RBFOX3: variants seen among roughly 807,000 people sequenced by gnomAD.
RBFOX3 encodes RNA binding fox-1 homolog 3.
RBFOX3 carries 17 observed loss-of-function variants against 48.7 expected under a neutral mutation model. That is an observed-to-expected ratio of 0.35 (90% CI 0.24 to 0.52). The LOEUF (loss-of-function observed/expected upper bound fraction) is 0.52, where lower values mean the gene tolerates loss of function less well. RBFOX3 is among the 20% of genes least tolerant of loss of function. RBFOX3 has a pLI of 0.94. For synonymous variants in RBFOX3, 212 were observed against 209.5 expected (o/e 1.01, Z -0.10); for missense variants, 382 against 497.5 (o/e 0.77, Z 2.21).
At chr17:79,457,323 C>T (rs2149222149) in intron 2 of RBFOX3, among the ~76,000 whole-genome samples, 1 of 152,310 alleles carries the variant, frequency 6.6e-6, no homozygotes, top group Non-Finnish European at 1.5e-5. Flanking sequence ...TAGCTCTCAC[C>T]ATGTGGTGTG....
chr17:79,559,080 C>T (rs972862660), intron 1 of RBFOX3, among the ~76,000 whole-genome samples: 2 of 152,142 alleles, frequency 1.3e-5, no homozygotes, highest in East Asian at 1.9e-4. Context: ...CAGTCTTACA[C>T]GGGCAGCAGC....
intron 2 of RBFOX3, among the ~76,000 whole-genome samples, chr17:79,461,546 TC>T (rs2075367660): frequency 1.3e-5 from 2 of 152,210 alleles, no homozygotes; most frequent in South Asian, 4.1e-4. Flanking sequence ...TTGTGAAGTG[TC>T]CCCAGCCCTG....
intron 4 of RBFOX3, among the ~76,000 whole-genome samples, chr17:79,229,101 C>T (rs953808996): frequency 5.9e-5 from 9 of 151,346 alleles, no homozygotes; most frequent in African/African-American, 1.5e-4. Context: ...TGGTGGCATA[C>T]GCCTGTAATC....
chr17:79,306,144 C>T (rs531844150), intron 3 of RBFOX3, among the ~76,000 whole-genome samples: 31 of 152,368 alleles, frequency 2.0e-4, no homozygotes, highest in African/African-American at 6.5e-4. Context: ...CTGCAGGCGG[C>T]GGCTGCTGCA....
intron 1 of RBFOX3, among the ~76,000 whole-genome samples, chr17:79,509,686 G>A (rs369935922): frequency 0.015 from 2,282 of 151,518 alleles, 58 homozygotes; most frequent in African/African-American, 0.053. Context: ...CTTTCCCTCC[G>A]TCATCCATCA....
intron 2 of RBFOX3, among the ~76,000 whole-genome samples, chr17:79,380,095 G>A (rs2059706376): frequency 6.6e-6 from 1 of 151,524 alleles, no homozygotes; most frequent in Non-Finnish European, 1.5e-5. Flanking sequence ...CCTAGTCCAT[G>A]ACCGCATGGC....
intron 4 of RBFOX3, among the ~76,000 whole-genome samples, chr17:79,211,507 T>A (rs78264371): frequency 0.016 from 2,430 of 152,352 alleles, 44 homozygotes; most frequent in South Asian, 0.051. Flanking sequence ...CTGCTGGGAC[T>A]GGCTCCAGGT....
chr17:79,156,359 A>C (rs1004354327), intron 4 of RBFOX3, among the ~76,000 whole-genome samples: 1 of 152,038 alleles, frequency 6.6e-6, no homozygotes, highest in Non-Finnish European at 1.5e-5. Flanking sequence ...CGGGGCCTAC[A>C]CCAGAGGAAG....
chr17:79,422,067 T>C (rs1555722720), intron 2 of RBFOX3, among the ~76,000 whole-genome samples: 4 of 151,502 alleles, frequency 2.6e-5, no homozygotes, highest in African/African-American at 7.3e-5. Context: ...GAGAAGAGCA[T>C]TGAAGGGGCT....
At chr17:79,620,217 A>G in the RBFOX3 span, among the ~76,000 whole-genome samples, 78 of 147,274 alleles carry the variant, frequency 5.3e-4, no homozygotes, top group African/African-American at 1.7e-3. Context: ...ATGCACACAC[A>G]GGGACATGCA....
intron 2 of RBFOX3, among the ~76,000 whole-genome samples, chr17:79,408,317 G>C (rs1009917979): frequency 1.3e-5 from 2 of 152,184 alleles, no homozygotes; most frequent in African/African-American, 4.8e-5. Context: ...CAGTGGGAGG[G>C]TCGGGCAGCC....
At chr17:79,156,179 G>A (rs2045754341) in intron 4 of RBFOX3, among the ~76,000 whole-genome samples, 1 of 152,194 alleles carries the variant, frequency 6.6e-6, no homozygotes, top group South Asian at 2.1e-4. Context: ...GAACTTTCTG[G>A]GGGTCTTGGA....
the RBFOX3 span, among the ~76,000 whole-genome samples, chr17:79,624,004 C>T: frequency 6.6e-6 from 1 of 152,210 alleles, no homozygotes; most frequent in African/African-American, 2.4e-5. Flanking sequence ...CTAGAAGAGG[C>T]CCGGAAACAG....
chr17:79,442,272 A>G (rs1555735376), intron 2 of RBFOX3, among the ~76,000 whole-genome samples: 1 of 22,590 alleles, frequency 4.4e-5, no homozygotes, highest in Admixed American at 3.9e-4. Flanking sequence ...AGAGAGAGAG[A>G]GAGAGAGAGG....
At chr17:79,341,732 G>A (rs1478392325) in intron 2 of RBFOX3, among the ~76,000 whole-genome samples, 1 of 151,270 alleles carries the variant, frequency 6.6e-6, no homozygotes, top group South Asian at 2.1e-4. Context: ...CCCTTTCTGA[G>A]TTCTGAGCTC....
intron 3 of RBFOX3, among the ~76,000 whole-genome samples, chr17:79,237,382 C>T (rs1014161937): frequency 1.3e-5 from 2 of 152,192 alleles, no homozygotes; most frequent in African/African-American, 4.8e-5. Flanking sequence ...CTCTAGCAGG[C>T]AGGTACACTT....
At position 79,296,553 on chromosome 17, in the gene RBFOX3, G is replaced by A. The variant is rs538227933; in HGVS notation, c.-74+11171C>T. On this transcript the variant is annotated intron_variant, in intron 3 of 14. Transcript: ENST00000693108. Reference sequence around the variant, plus strand: ...GGTAGCCCCAGTCTAACCCCTCCCCGGGGAGCCGGGCTCCCAGGAAAATGC... The same window carrying A: ...GGTAGCCCCAGTCTAACCCCTCCCCAGGGAGCCGGGCTCCCAGGAAAATGC... 1.6e-3 allele frequency among the ~76,000 whole-genome samples: 248 copies of A among 152,078 alleles called. 2 individuals carry two copies. Among genetic ancestry groups the A allele is most frequent in the African/African-American group, 5.8e-3 (242 of 41,482 alleles).
At chr17:79,143,013 G>C (rs2042217986) in intron 4 of RBFOX3, among the ~76,000 whole-genome samples, 1 of 152,176 alleles carries the variant, frequency 6.6e-6, no homozygotes, top group Non-Finnish European at 1.5e-5. Context: ...CTGGTGCACG[G>C]TGGGCTGCTG....
In RBFOX3 at chr17:79,537,124, A is replaced by C. The variant is rs112166683; in HGVS notation, c.-319-54526T>G. 6.9e-3 allele frequency among the ~76,000 whole-genome samples: 1,052 copies of C among 152,116 alleles called. 7 individuals are homozygous for C. Among genetic ancestry groups the C allele is most frequent in the African/African-American group, 0.021 (862 of 41,506 alleles). On this transcript the variant is annotated intron_variant, in intron 1 of 14. Transcript: ENST00000693108. ...AAACAAACAAACAAAAAACAAAAAA[A>C]AAAAAAACCAAAAAAGCAACACACA...
Sources: gnomAD v4.1 joint callset for allele counts (sites outside exome capture counted in the v4.1 genomes callset) on GRCh38, gnomAD v4.1.1 for gene constraint, MANE v1.5 for transcripts, NCBI Gene and HGNC (gene_info 2026-07-23, HGNC 2026-07-21) for gene names.